LRFN4: variants seen among roughly 807,000 people sequenced by gnomAD.
The protein encoded by LRFN4 is leucine rich repeat and fibronectin type III domain containing 4.
In LRFN4, 10 loss-of-function variants were observed where a neutral mutation model predicts 29.0. That is an observed-to-expected ratio of 0.35 (90% CI 0.21 to 0.59). The LOEUF is 0.59. LRFN4 is among the 20% of genes least tolerant of loss of function. The pLI, the probability that LRFN4 is intolerant of heterozygous loss-of-function variation, is 0.82. For synonymous variants in LRFN4, 493 were observed against 437.0 expected, an observed-to-expected ratio of 1.13 and a Z score of -1.60; for missense variants, 850 against 907.9, an observed-to-expected ratio of 0.94 and a Z score of 0.82.
Position 66,860,364 on chromosome 11 carries a change from C to A in LRFN4, c.*169C>A. 2 of 1,017,786 alleles carry A rather than the reference C, an allele frequency of 2.0e-6. No homozygotes were observed. The highest frequency in any genetic ancestry group is 2.7e-5 in the South Asian group (2 of 73,922). 63.0% of individuals were successfully genotyped at this position (1,017,786 alleles called of 1,614,324 possible). Reference sequence around the variant, plus strand: ...CTTTCCTCGGTTCTGGCCTCCAGACCAGGGTAAGGGCAGGCCCCTCCAACA... The same window carrying A: ...CTTTCCTCGGTTCTGGCCTCCAGACAAGGGTAAGGGCAGGCCCCTCCAACA... On this transcript the variant is annotated 3_prime_UTR_variant, in exon 2 of 2. Transcript: ENST00000309602.
Position 66,859,103 on chromosome 11 carries a change from C to G in LRFN4, c.1349+10C>G. On this transcript the variant is annotated intron_variant, in intron 1 of 1. Transcript: ENST00000309602. ...AGACCCTCATCTACCGGTGAGGATG[C>G]GTGCCCCACACCCGGCTGCACTCCC... is the stretch of plus-strand genomic sequence containing the variant. 1 of 1,482,976 alleles carries G rather than the reference C, an allele frequency of 6.7e-7. No homozygotes were observed. Among genetic ancestry groups the G allele is most frequent in the Non-Finnish European group, 9.0e-7 (1 of 1,117,028 alleles). 91.9% of individuals were successfully genotyped at this position (1,482,976 alleles called of 1,614,324 possible).
Position 66,858,464 on chromosome 11 carries a change from T to C in LRFN4, c.720T>C (p.Cys240=), listed in dbSNP as rs1331592908. The C allele has an allele frequency of 1.9e-6, 3 of 1,547,798 alleles. No individual in the cohort carries two copies. ...GCGGGAACCCCCTGCACTGCAACTG[T>C]GAGCTGCTGTGGCTGCGGCGGCTGG... ...SFSGNPLHCN[C]ELLWLRRLAR... The change falls in exon 1 of 2, where the codon TGT becomes TGC. Residue 240 remains cysteine (C), a synonymous_variant. Transcript: ENST00000309602. This position sits in a 1 kb window ranked among gnomAD's most constrained non-coding sequence, Gnocchi z 5.9.
chr11:66,860,355 C>T lies in LRFN4; in HGVS notation c.*160C>T, dbSNP rs1230438059. Reference sequence around the variant, plus strand: ...CAGGGAGCCCTTTCCTCGGTTCTGGCCTCCAGACCAGGGTAAGGGCAGGCC... The same window carrying T: ...CAGGGAGCCCTTTCCTCGGTTCTGGTCTCCAGACCAGGGTAAGGGCAGGCC... On this transcript the variant is annotated 3_prime_UTR_variant, in exon 2 of 2. Coordinates refer to ENST00000309602, the MANE Select transcript of LRFN4 (RefSeq NM_024036.5). The T allele has an allele frequency of 1.1e-5, 12 of 1,107,548 alleles. No individual in the cohort carries two copies. The highest frequency in any genetic ancestry group is 4.0e-5 in the South Asian group (3 of 75,630). 68.6% of individuals were successfully genotyped at this position (1,107,548 alleles called of 1,614,324 possible). A position where few individuals can be genotyped will look rare whatever the true frequency, so the allele number is the denominator to read the frequency against.
Position 66,860,359 on chromosome 11 carries a change from C to T in LRFN4, c.*164C>T. On this transcript the variant is annotated 3_prime_UTR_variant, in exon 2 of 2. Coordinates refer to ENST00000309602, the MANE Select transcript of LRFN4 (RefSeq NM_024036.5). ...GAGCCCTTTCCTCGGTTCTGGCCTC[C>T]AGACCAGGGTAAGGGCAGGCCCCTC... 1 of 1,067,324 alleles carries T rather than the reference C, an allele frequency of 9.4e-7. No homozygotes were observed. The highest frequency in any genetic ancestry group is 1.3e-5 in the South Asian group (1 of 74,832). 66.1% of individuals were successfully genotyped at this position (1,067,324 alleles called of 1,614,324 possible). A position where few individuals can be genotyped will look rare whatever the true frequency, so the allele number is the denominator to read the frequency against.
Position 66,858,048 on chromosome 11 carries a change from CACCTTGACGGCA to C in LRFN4, c.307_318del (p.Leu103_Asn106del). On this transcript the variant is annotated inframe_deletion, in exon 1 of 2. Transcript: ENST00000309602. The surrounding 1 kb of genome is among the most constrained non-coding windows in gnomAD (Gnocchi z 5.9). ...GGACCTCGAGAGCCTGCGTTCCCTCCACCTTGACGGCAACAGGCTGGTGGAGCTGGGCACCGG... is the reference window on the plus strand; with the variant it reads ...GGACCTCGAGAGCCTGCGTTCCCTCCACAGGCTGGTGGAGCTGGGCACCGG... 1 of 1,610,856 alleles carries C rather than the reference CACCTTGACGGCA, an allele frequency of 6.2e-7. No homozygotes were observed. Among genetic ancestry groups the C allele is most frequent in the Non-Finnish European group, 8.5e-7 (1 of 1,179,140 alleles).
chr11:66,859,238 GTGGCC>G (rs1267996805), intron 1 of LRFN4, 145 bp downstream of exon 1: 34 of 1,182,906 alleles, frequency 2.9e-5, no homozygotes, highest in East Asian at 1.1e-4. Context: ...TGGAGGAGCA[GTGGCC>G]TGGCCTGGCC....
In LRFN4 at chr11:66,860,082, C is replaced by G; in HGVS notation, c.1795C>G (p.Arg599Gly). ...TGCCGGGTGCTACGGTTATGCCAGG[C>G]GCCTGGGAGGAGCTTGGGCCCGACG... Reference protein sequence around the residue: ...GDAGCYGYARRLGGAWARRSH... With the variant: ...GDAGCYGYARGLGGAWARRSH... The change falls in exon 2 of 2, where the codon CGC (arginine) becomes GGC (glycine). Residue 599 changes from arginine to glycine, a missense_variant. Around this residue, in one of 2 missense-constraint regions of LRFN4, gnomAD observed 744 missense variants for 753.8 expected, o/e 0.99. Coordinates refer to ENST00000309602, the MANE Select transcript of LRFN4 (RefSeq NM_024036.5). The G allele has an allele frequency of 6.4e-7, 1 of 1,556,292 alleles. No homozygotes were observed. The highest frequency in any genetic ancestry group is 8.7e-7 in the Non-Finnish European group (1 of 1,150,654).
rs36115909 is a variant in LRFN4, at chr11:66,860,060, C to T, written c.1773C>T (p.Ala591=). 173 of 1,566,266 alleles carry T rather than the reference C, an allele frequency of 1.1e-4. No individual in the cohort carries two copies. The East Asian group carries it at 3.4e-3, about 31-fold the overall frequency. Residue 591 remains alanine (A), a synonymous_variant, in exon 2 of 2, where the codon GCC becomes GCT. Coordinates refer to ENST00000309602, the MANE Select transcript of LRFN4 (RefSeq NM_024036.5). The part of the protein sequence containing the change: ...QRSCSLDLGD[A]GCYGYARRLG... ...GCTGCTCTCTGGACCTGGGAGATGC[C>T]GGGTGCTACGGTTATGCCAGGCGCC...
In LRFN4 at chr11:66,859,833, G is replaced by A. The variant is rs766191800; in HGVS notation, c.1546G>A (p.Gly516Arg). The change falls in exon 2 of 2, where the codon GGG becomes AGG. Residue 516 changes from glycine to arginine, a missense_variant. By Grantham distance (125) the Gly-to-Arg change is moderately radical. This residue lies in a region of LRFN4 where 744 missense variants were observed against 753.8 expected (regional missense o/e 0.99). Transcript: ENST00000309602. The part of the protein sequence containing the change: ...CHALQAHVLG[G>R]TLTVAVGGVL... ...CGCCCTGCAGGCCCACGTGCTGGGC[G>A]GGACCCTGACCGTGGCCGTGGGGGG... is the stretch of plus-strand genomic sequence containing the variant. 3.5e-5 allele frequency: 55 copies of A among 1,574,242 alleles called. No individual in the cohort carries two copies. Among genetic ancestry groups the A allele is most frequent in the Non-Finnish European group, 4.4e-5 (51 of 1,159,426 alleles).
chr11:66,858,717 T>G lies in LRFN4; in HGVS notation c.973T>G (p.Ser325Ala), dbSNP rs1946039650. The change falls in exon 1 of 2, where the codon TCC (serine) becomes GCC (alanine). Residue 325 changes from serine (S) to alanine (A), a missense_variant. Coordinates refer to ENST00000309602, the MANE Select transcript of LRFN4 (RefSeq NM_024036.5). The surrounding 1 kb of genome is among the most constrained non-coding windows in gnomAD (Gnocchi z 5.9). ...TCCTGACGACCGGTTGGTTGGCAAC[T>G]CCTCCCGAGCCCGGGCTTTCCCCAA... ...VGPDDRLVGNSSRARAFPNGT... is the reference protein window; with the variant it reads ...VGPDDRLVGNASRARAFPNGT... 6.4e-7 allele frequency: 1 copy of G among 1,551,960 alleles called. No homozygotes were observed. Among genetic ancestry groups the G allele is most frequent in the Non-Finnish European group, 8.7e-7 (1 of 1,146,622 alleles).
Position 66,858,334 on chromosome 11 carries a change from G to A in LRFN4, c.590G>A (p.Arg197His). Residue 197 changes from arginine (R) to histidine (H), a missense_variant, in exon 1 of 2, where the codon CGC becomes CAC. By Grantham distance (29) the Arg-to-His change is conservative. Transcript: ENST00000309602. This position sits in a 1 kb window ranked among gnomAD's most constrained non-coding sequence, Gnocchi z 5.9. ...GAFAQLGQLS[R>H]LDLTSNRLAT... ...TTCGCCCAGCTCGGTCAGCTCTCCC[G>A]CCTGGACCTCACCTCCAACCGCCTG... 1 of 1,605,466 alleles carries A rather than the reference G, an allele frequency of 6.2e-7. No homozygotes were observed. Among genetic ancestry groups the A allele is most frequent in the Non-Finnish European group, 8.5e-7 (1 of 1,178,402 alleles).
Position 66,860,333 on chromosome 11 carries a change from G to T in LRFN4, c.*138G>T. Reference sequence around the variant, plus strand: ...CTCCCCTGTGTACTTGGAGGGGCAGGGAGCCCTTTCCTCGGTTCTGGCCTC... The same window carrying T: ...CTCCCCTGTGTACTTGGAGGGGCAGTGAGCCCTTTCCTCGGTTCTGGCCTC... On this transcript the variant is annotated 3_prime_UTR_variant, in exon 2 of 2. Transcript: ENST00000309602. 1 of 1,303,770 alleles carries T rather than the reference G, an allele frequency of 7.7e-7. No homozygotes were observed. Among genetic ancestry groups the T allele is most frequent in the South Asian group, 1.3e-5 (1 of 79,552 alleles). 80.8% of individuals were successfully genotyped at this position (1,303,770 alleles called of 1,614,324 possible). A position where few individuals can be genotyped will look rare whatever the true frequency, so the allele number is the denominator to read the frequency against.
At chr11:66,859,131 C>A (rs201864445) in intron 1 of LRFN4, 38 bp downstream of exon 1, 3 of 1,473,842 alleles carry the variant, frequency 2.0e-6, no homozygotes, top group South Asian at 1.5e-5. Context: ...GCACTCCCGG[C>A]GCCCTTCCTC....
In LRFN4 at chr11:66,859,985, C is replaced by A; in HGVS notation, c.1698C>A (p.Pro566=). The A allele has an allele frequency of 6.2e-7, 1 of 1,600,470 alleles. No individual in the cohort carries two copies. The highest frequency in any genetic ancestry group is 8.5e-7 in the Non-Finnish European group (1 of 1,173,632). The change falls in exon 2 of 2, where the codon CCC becomes CCA. Residue 566 remains proline (P), a synonymous_variant. Transcript: ENST00000309602. ...VQSQTNGGPS[P]TPKAHPPRSP... ...CCCAGACCAATGGAGGCCCCAGCCC[C>A]ACACCCAAGGCCCACCCGCCGCGGA...
At position 66,860,298 on chromosome 11, in the gene LRFN4, G is replaced by A; in HGVS notation, c.*103G>A. The A allele has an allele frequency of 1.4e-6, 2 of 1,465,294 alleles. No homozygotes were observed. Among genetic ancestry groups the A allele is most frequent in the South Asian group, 2.4e-5 (2 of 82,672 alleles). 90.8% of individuals were successfully genotyped at this position (1,465,294 alleles called of 1,614,324 possible). ...AGTCCCTCCCTGGTTTTTATTCTCA[G>A]TACCTCAGGCTCCCCTGTGTACTTG... is the stretch of plus-strand genomic sequence containing the variant. On this transcript the variant is annotated 3_prime_UTR_variant, in exon 2 of 2. Transcript: ENST00000309602.
intron 1 of LRFN4, among the ~76,000 whole-genome samples, 155 bp downstream of exon 1, chr11:66,859,248 C>G (rs984704503): frequency 2.6e-5 from 4 of 152,188 alleles, no homozygotes; most frequent in African/African-American, 9.7e-5. Context: ...GTGGCCTGGC[C>G]TGGCCTGGCT....
chr11:66,857,802 C>T lies in LRFN4; in HGVS notation c.58C>T (p.Pro20Ser). Residue 20 changes from proline (P) to serine (S), a missense_variant, in exon 1 of 2, where the codon CCC becomes TCC. Physicochemically the swap from Pro to Ser is moderately conservative, Grantham distance 74. This residue lies in a region of LRFN4 where 106 missense variants were observed against 154.2 expected (regional missense o/e 0.69). Transcript: ENST00000309602. This position sits in a 1 kb window ranked among gnomAD's most constrained non-coding sequence, Gnocchi z 7.1. The stretch of plus-strand genomic sequence containing the variant: ...CAGTGGAGCGGCCGCCTGCCCGCTG[C>T]CCTGCGTCTGCCAGAACCTGTCCGA... Reference protein sequence around the residue: ...LASGAAACPLPCVCQNLSESL... With the variant: ...LASGAAACPLSCVCQNLSESL... 2 of 1,600,330 alleles carry T rather than the reference C, an allele frequency of 1.2e-6. No homozygotes were observed. The highest frequency in any genetic ancestry group is 2.2e-5 in the South Asian group (2 of 91,042).
In LRFN4 at chr11:66,860,226, G is replaced by T; in HGVS notation, c.*31G>T. 6.5e-7 allele frequency: 1 copy of T among 1,539,864 alleles called. No individual in the cohort carries two copies. On this transcript the variant is annotated 3_prime_UTR_variant, in exon 2 of 2. Transcript: ENST00000309602. ...GGGCAGCTTCCTGTGTGCTCCAAGGGATGAGCCTCGTGGGGCAGAGGGCCC... is the reference window on the plus strand; with the variant it reads ...GGGCAGCTTCCTGTGTGCTCCAAGGTATGAGCCTCGTGGGGCAGAGGGCCC...
In LRFN4 at chr11:66,859,943, G is replaced by A; in HGVS notation, c.1656G>A (p.Lys552=). The A allele has an allele frequency of 6.3e-7, 1 of 1,595,962 alleles. No homozygotes were observed. Among genetic ancestry groups the A allele is most frequent in the South Asian group, 1.1e-5 (1 of 88,728 alleles). The change falls in exon 2 of 2, where the codon AAG becomes AAA. Residue 552 remains lysine, a synonymous_variant. Coordinates refer to ENST00000309602, the MANE Select transcript of LRFN4 (RefSeq NM_024036.5). ...CCGGAAATGGCCGCCTCCCCCTCAA[G>A]CTCAGCCACGTCCAGTCCCAGACCA... ...RGAGNGRLPL[K]LSHVQSQTNG...
Sources: gnomAD v4.1 joint callset for allele counts (sites outside exome capture counted in the v4.1 genomes callset) on GRCh38, gnomAD v4.1.1 for gene constraint, gnomAD v4.1.1 regional missense constraint, Gnocchi (gnomAD v3.1) non-coding constraint, MANE v1.5 for transcripts, NCBI Gene and HGNC (gene_info 2026-07-23, HGNC 2026-07-21) for gene names.